TSC22D1: variants seen among roughly 807,000 people sequenced by gnomAD.
TSC22D1 encodes TSC22 domain family protein 1.
TSC22D1 carries 9 observed loss-of-function variants against 74.2 expected under a neutral mutation model. That is an observed-to-expected ratio of 0.12 (90% CI 0.07 to 0.21). The LOEUF (loss-of-function observed/expected upper bound fraction) is 0.21, where lower values mean the gene tolerates loss of function less well. Among genes scored for constraint, TSC22D1 ranks in the 10% least tolerant of loss-of-function variants. The pLI, the probability that TSC22D1 is intolerant of heterozygous loss-of-function variation, is 1.00. For missense variants in TSC22D1, 1,427 were observed against 1,304.7 expected (o/e 1.09, Z -1.44); for synonymous variants, 586 against 492.5 (o/e 1.19, Z -2.51).
chr13:44,446,205 A>G (rs1056803717), intron 1 of TSC22D1, among the ~76,000 whole-genome samples: 1 of 152,234 alleles, frequency 6.6e-6, no homozygotes, highest in Non-Finnish European at 1.5e-5. Context: ...ACTGATACAC[A>G]TAACAACCTG....
In TSC22D1 at chr13:44,432,802, C is replaced by T. The variant is rs1874159623; in HGVS notation, c.*1824G>A. 6.6e-6 allele frequency: 1 copy of T among 152,148 alleles called. No homozygotes were observed. Among genetic ancestry groups the T allele is most frequent in the Non-Finnish European group, 1.5e-5 (1 of 68,054 alleles). The allele number at this position is 152,148 out of a possible 1,614,324, so 9.4% of individuals were successfully genotyped here. ...GCCCTAGGTTGATAGATTACAGAGC[C>T]GGTAAACCCACCCCATTCACTTGCT... On this transcript the variant is annotated 3_prime_UTR_variant, in exon 3 of 3. Transcript: ENST00000458659.
chr13:44,526,774 G>A (rs952454977), intron 1 of TSC22D1, among the ~76,000 whole-genome samples: 1 of 152,072 alleles, frequency 6.6e-6, no homozygotes, highest in African/African-American at 2.4e-5. Context: ...AATAGTAATC[G>A]AAGAAAAAAT....
chr13:44,436,805 T>G (rs1442979078), intron 1 of TSC22D1: 3 of 1,401,240 alleles, frequency 2.1e-6, no homozygotes, highest in Non-Finnish European at 1.8e-6. Context: ...CGGATCCCAG[T>G]GCCGTGAAGA....
At chr13:44,449,620 G>A (rs141205628) in intron 1 of TSC22D1, among the ~76,000 whole-genome samples, 104 of 152,242 alleles carry the variant, frequency 6.8e-4, no homozygotes, top group African/African-American at 2.3e-3. Context: ...TATCATCTTA[G>A]TGTGATTCTG....
intron 1 of TSC22D1, among the ~76,000 whole-genome samples, chr13:44,470,205 C>A (rs1457990986): frequency 6.6e-6 from 1 of 152,046 alleles, no homozygotes; most frequent in Admixed American, 6.6e-5. Flanking sequence ...AGAAAACTTC[C>A]CCCTAGTCAA....
At chr13:44,444,696 T>G (rs1372796211) in intron 1 of TSC22D1, among the ~76,000 whole-genome samples, 1 of 151,962 alleles carries the variant, frequency 6.6e-6, no homozygotes, top group African/African-American at 2.4e-5. Flanking sequence ...AATACACACG[T>G]CTAAGTAACC....
chr13:44,490,177 C>T (rs915839651), intron 1 of TSC22D1, among the ~76,000 whole-genome samples: 7 of 152,152 alleles, frequency 4.6e-5, no homozygotes, highest in African/African-American at 1.7e-4. Context: ...TTAAGCTCAA[C>T]ATGAATGAAT....
At chr13:44,514,726 G>A (rs571748013) in intron 1 of TSC22D1, among the ~76,000 whole-genome samples, 14 of 152,184 alleles carry the variant, frequency 9.2e-5, no homozygotes, top group African/African-American at 3.4e-4. Flanking sequence ...TGGACATGGT[G>A]GTATGCACCT....
chr13:44,452,092 A>G (rs1202868941), intron 1 of TSC22D1, among the ~76,000 whole-genome samples: 2 of 152,230 alleles, frequency 1.3e-5, no homozygotes, highest in Non-Finnish European at 2.9e-5. Context: ...CCGACTTGAC[A>G]GAAGAGGAGA....
chr13:44,560,978 G>C (rs1883000015), intron 1 of TSC22D1, among the ~76,000 whole-genome samples: 1 of 152,082 alleles, frequency 6.6e-6, no homozygotes, highest in African/African-American at 2.4e-5. Context: ...TCTGCTTTAA[G>C]ATAACAAAGC....
chr13:44,561,622 C>T (rs1443147969), intron 1 of TSC22D1, among the ~76,000 whole-genome samples: 1 of 152,152 alleles, frequency 6.6e-6, no homozygotes, highest in Non-Finnish European at 1.5e-5. Flanking sequence ...TATCAAACTC[C>T]TCCTCAAGCA....
At chr13:44,567,087 C>T (rs1883425186) in intron 1 of TSC22D1, among the ~76,000 whole-genome samples, 1 of 152,164 alleles carries the variant, frequency 6.6e-6, no homozygotes, top group South Asian at 2.1e-4. Flanking sequence ...GGAAATCAGG[C>T]ACAGCAAAAT....
At chr13:44,494,495 C>G (rs1403839812) in intron 1 of TSC22D1, among the ~76,000 whole-genome samples, 1 of 148,092 alleles carries the variant, frequency 6.8e-6, no homozygotes, top group Non-Finnish European at 1.5e-5. Flanking sequence ...GAGGTCAAGG[C>G]TGCACTGAGC....
intron 1 of TSC22D1, among the ~76,000 whole-genome samples, chr13:44,569,203 T>C (rs945919009): frequency 6.6e-6 from 1 of 152,176 alleles, no homozygotes; most frequent in African/African-American, 2.4e-5. Context: ...ATGAGAAGAT[T>C]GAACCATAAA....
At chr13:44,465,788 C>T (rs1027646836) in intron 1 of TSC22D1, among the ~76,000 whole-genome samples, 1 of 152,136 alleles carries the variant, frequency 6.6e-6, no homozygotes, top group African/African-American at 2.4e-5. Flanking sequence ...GCCTGGCCAA[C>T]GTGGTGAAAC....
At chr13:44,492,591 G>T (rs1024389605) in intron 1 of TSC22D1, among the ~76,000 whole-genome samples, 1 of 152,056 alleles carries the variant, frequency 6.6e-6, no homozygotes, top group Admixed American at 6.6e-5. Context: ...TACATATCTA[G>T]GTAAGCTGCT....
At chr13:44,460,881 C>G (rs575189230) in intron 1 of TSC22D1, among the ~76,000 whole-genome samples, 4 of 152,240 alleles carry the variant, frequency 2.6e-5, no homozygotes, top group South Asian at 4.1e-4. Flanking sequence ...TTCTAAAAAG[C>G]TTTCAAACCA....
chr13:44,524,598 G>A (rs1222831249), intron 1 of TSC22D1, among the ~76,000 whole-genome samples: 2 of 152,152 alleles, frequency 1.3e-5, no homozygotes, highest in Non-Finnish European at 2.9e-5. Context: ...CCAGGCTAGA[G>A]TGCAATGGCG....
intron 1 of TSC22D1, among the ~76,000 whole-genome samples, chr13:44,465,979 A>AAAAC (rs3046029): frequency 0.9 from 135,900 of 151,244 alleles, 61,160 homozygotes; most frequent in East Asian, 0.99. Context: ...GCCTCAAGAA[A>AAAAC]AAACAAACAA....
Sources: allele counts gnomAD v4.1 joint callset (sites outside exome capture counted in the v4.1 genomes callset), GRCh38; gene constraint gnomAD v4.1.1; transcripts MANE v1.5; gene names NCBI Gene and HGNC (gene_info 2026-07-23, HGNC 2026-07-21).